The following ARPP19 variants were observed in gnomAD, a reference collection of about 807,000 sequenced individuals.
ARPP19 encodes the protein cAMP-regulated phosphoprotein 19.
A neutral mutation model predicts 12.0 loss-of-function variants in ARPP19; 8 were observed. The ratio of observed to expected loss-of-function variants is 0.67; its 90% CI spans 0.39 to 1.21. The LOEUF (loss-of-function observed/expected upper bound fraction) is 1.21. Ranked by LOEUF, ARPP19 falls within the 50% of genes most tolerant of loss-of-function variation. ARPP19 has a pLI of 0.01. For missense variants in ARPP19, 102 were observed against 136.3 expected (o/e 0.75, Z 1.25); for synonymous variants, 47 against 50.4 (o/e 0.93, Z 0.29).
intron 1 of ARPP19, among the ~76,000 whole-genome samples, chr15:52,563,977 CATAAAGCT>C (rs1222925829): frequency 6.6e-6 from 1 of 152,094 alleles, no homozygotes; most frequent in South Asian, 2.1e-4. Context: ...TACTTGTTTC[CATAAAGCT>C]ATAAAGCTAA....
chr15:52,551,386 A>G lies in ARPP19; in HGVS notation c.*548T>C, dbSNP rs1566893534. 1 of 152,730 alleles carries G rather than the reference A, an allele frequency of 6.5e-6. No homozygotes were observed. The highest frequency in any genetic ancestry group is 1.9e-4 in the East Asian group (1 of 5,206). The allele number at this position is 152,730 out of a possible 1,614,324, so 9.5% of individuals were successfully genotyped here. ...AGAATGGGCAAATATTGCCCAAGTA[A>G]AATTCTACTGTTAAAGCTGAAACAG... On this transcript the variant is annotated 3_prime_UTR_variant, in exon 3 of 3. Coordinates refer to ENST00000249822, the MANE Select transcript of ARPP19 (RefSeq NM_006628.6).
At chr15:52,552,417 C>CA (rs1004277528) in intron 2 of ARPP19, among the ~76,000 whole-genome samples, 51 of 149,570 alleles carry the variant, frequency 3.4e-4, no homozygotes, top group East Asian at 1.8e-3. Context: ...TAAAAAAAAA[C>CA]AAAAAAAACA....
In ARPP19 at chr15:52,550,192, TGA is replaced by T. The variant is rs2077916052; in HGVS notation, c.*1740_*1741del. 1 of 152,234 alleles carries T rather than the reference TGA, an allele frequency of 6.6e-6. No individual in the cohort carries two copies. The highest frequency in any genetic ancestry group is 2.4e-5 in the African/African-American group (1 of 41,452). 9.4% of individuals were successfully genotyped at this position (152,234 alleles called of 1,614,324 possible). A position where few individuals can be genotyped will look rare whatever the true frequency, so the allele number is the denominator to read the frequency against. ...CATGCTACAGCATTACAACTACTTGTGAGAGGAGCTCCTACAAGAGCAGTAAA... is the reference window on the plus strand; with the variant it reads ...CATGCTACAGCATTACAACTACTTGTGAGGAGCTCCTACAAGAGCAGTAAA... On this transcript the variant is annotated 3_prime_UTR_variant, in exon 3 of 3. Transcript: ENST00000249822.
chr15:52,555,229 A>C (rs565740025), intron 2 of ARPP19, among the ~76,000 whole-genome samples: 32 of 152,190 alleles, frequency 2.1e-4, no homozygotes, highest in African/African-American at 7.7e-4. Flanking sequence ...AATGTATATG[A>C]AATCTGACTT....
intron 1 of ARPP19, among the ~76,000 whole-genome samples, chr15:52,566,573 T>C (rs2078084237): frequency 6.6e-6 from 1 of 152,084 alleles, no homozygotes; most frequent in Non-Finnish European, 1.5e-5. Context: ...CCTACAGACA[T>C]GCCACCACAC....
At chr15:52,556,189 C>G (rs1685274155) in intron 2 of ARPP19, among the ~76,000 whole-genome samples, 1 of 149,760 alleles carries the variant, frequency 6.7e-6, no homozygotes, top group Admixed American at 6.7e-5. Context: ...AATACACACA[C>G]AGACGTGTTT....
intron 1 of ARPP19, 90 bp from the exon 2 acceptor site, chr15:52,557,312 T>A: frequency 9.5e-7 from 1 of 1,054,682 alleles, no homozygotes; most frequent in South Asian, 1.6e-5. Context: ...GAATTCTAGT[T>A]GTTAAATGCC....
In ARPP19 at chr15:52,551,686, A is replaced by T; in HGVS notation, c.*248T>A. The T allele has an allele frequency of 2.5e-6, 1 of 403,058 alleles. No individual in the cohort carries two copies. The highest frequency in any genetic ancestry group is 4.4e-6 in the Non-Finnish European group (1 of 225,562). 25.0% of individuals were successfully genotyped at this position (403,058 alleles called of 1,614,324 possible). ...TAGAACCAGTACTACACTAGAAGTT[A>T]GGTAATATATACAACTATTTTCAAG... On this transcript the variant is annotated 3_prime_UTR_variant, in exon 3 of 3. Transcript: ENST00000249822.
intron 1 of ARPP19, 151 bp from the exon 2 acceptor site, chr15:52,557,373 T>A: frequency 1.6e-6 from 1 of 631,116 alleles, no homozygotes; most frequent in Non-Finnish European, 2.7e-6. Context: ...CTTTAAAACA[T>A]CTCTATCTTG....
chr15:52,562,865 G>GT (rs10709933), intron 1 of ARPP19, among the ~76,000 whole-genome samples: 70 of 92,860 alleles, frequency 7.5e-4, no homozygotes, highest in Admixed American at 2.5e-3. Context: ...AGCTTAAGAA[G>GT]TTTTTTTTTT....
chr15:52,557,231 A>T lies in ARPP19; in HGVS notation c.46-9T>A. On this transcript the variant is annotated splice_polypyrimidine_tract_variant and intron_variant, in intron 1 of 2. Transcript: ENST00000249822. ...ACTTTATCTTCCATTTCCTAAAATA[A>T]TTTCAAATAAATTACTTCTCTATTA... The T allele has an allele frequency of 2.5e-6, 4 of 1,578,852 alleles. No homozygotes were observed. The highest frequency in any genetic ancestry group is 3.5e-6 in the Non-Finnish European group (4 of 1,156,732).
At chr15:52,553,895 G>A (rs1291903365) in intron 2 of ARPP19, among the ~76,000 whole-genome samples, 2 of 152,208 alleles carry the variant, frequency 1.3e-5, no homozygotes, top group East Asian at 3.8e-4. Flanking sequence ...AAGGCCTAAA[G>A]ACAGAAACTG....
chr15:52,558,482 A>AAAAAAGAAAAAAAAAAAAAAAAAG (rs559673591), intron 1 of ARPP19, among the ~76,000 whole-genome samples: 3 of 148,974 alleles, frequency 2.0e-5, no homozygotes, highest in Non-Finnish European at 3.0e-5. Flanking sequence ...AAAAAAAAAA[A>AAAAAAGAAAAAAAAAAAAAAAAAG]AAAGAAAGAA....
intron 1 of ARPP19, among the ~76,000 whole-genome samples, chr15:52,567,253 A>C (rs1394507042): frequency 6.6e-6 from 1 of 152,256 alleles, no homozygotes; most frequent in East Asian, 1.9e-4. Flanking sequence ...AAAGCACCTT[A>C]AATGTTTAAT....
At chr15:52,565,506 G>A (rs1393804056) in intron 1 of ARPP19, among the ~76,000 whole-genome samples, 2 of 152,190 alleles carry the variant, frequency 1.3e-5, no homozygotes, top group East Asian at 1.9e-4. Context: ...GAATCACCAC[G>A]TTGCATCTAA....
intron 1 of ARPP19, among the ~76,000 whole-genome samples, chr15:52,558,174 G>A (rs1000266096): frequency 5.9e-5 from 9 of 152,118 alleles, no homozygotes; most frequent in Non-Finnish European, 1.3e-4. Flanking sequence ...AAAACAGACT[G>A]GGCACGGTGG....
At position 52,547,656 on chromosome 15, in the gene ARPP19, A is replaced by G. The variant is rs2077890307; in HGVS notation, c.*4278T>C. 1 of 152,238 alleles carries G rather than the reference A, an allele frequency of 6.6e-6. No individual in the cohort carries two copies. The highest frequency in any genetic ancestry group is 1.5e-5 in the Non-Finnish European group (1 of 68,042). 9.4% of individuals were successfully genotyped at this position (152,238 alleles called of 1,614,324 possible). On this transcript the variant is annotated 3_prime_UTR_variant, in exon 3 of 3. Transcript: ENST00000249822. ...CTTAGATTAACAATGACAGAGTGAGATATCTTTGATTACAATTTTATAAGG... is the reference window on the plus strand; with the variant it reads ...CTTAGATTAACAATGACAGAGTGAGGTATCTTTGATTACAATTTTATAAGG...
In ARPP19 at chr15:52,547,481, T is replaced by C. The variant is rs2077888219; in HGVS notation, c.*4453A>G. 2.0e-5 allele frequency: 3 copies of C among 152,234 alleles called. No homozygotes were observed. The highest frequency in any genetic ancestry group is 1.3e-4 in the Admixed American group (2 of 15,280). The allele number at this position is 152,234 out of a possible 1,614,324, so 9.4% of individuals were successfully genotyped here. A position where few individuals can be genotyped will look rare whatever the true frequency, so the allele number is the denominator to read the frequency against. On this transcript the variant is annotated 3_prime_UTR_variant, in exon 3 of 3. Transcript: ENST00000249822. ...CAAGGGCATAATATTAAATATGTTT[T>C]TTTCCAACTGCGATTTAGTTGAAAA...
intron 1 of ARPP19, among the ~76,000 whole-genome samples, chr15:52,559,066 C>T (rs531140578): frequency 1.3e-5 from 2 of 152,282 alleles, no homozygotes; most frequent in African/African-American, 4.8e-5. Flanking sequence ...TTTTCAGTCT[C>T]GGAGAATTTT....
Sources: allele counts gnomAD v4.1 joint callset (sites outside exome capture counted in the v4.1 genomes callset), GRCh38; gene constraint gnomAD v4.1.1; transcripts MANE v1.5; gene names NCBI Gene and HGNC (gene_info 2026-07-23, HGNC 2026-07-21).